MACF1: variants seen among roughly 807,000 people sequenced by gnomAD.
MACF1 encodes microtubule actin crosslinking factor 1.
Under a neutral mutation model 854.8 loss-of-function variants are expected in MACF1, and 193 were observed. The observed-to-expected ratio is 0.23, with a 90% CI of 0.20 to 0.25. The LOEUF (loss-of-function observed/expected upper bound fraction) is 0.25. Among genes scored for constraint, MACF1 ranks in the 10% least tolerant of loss-of-function variants. The pLI, the probability that MACF1 is intolerant of heterozygous loss-of-function variation, is 1.00. For missense variants in MACF1, 7,722 were observed against 8,929.1 expected (o/e 0.86, Z 5.45); for synonymous variants, 3,185 against 3,226.7 (o/e 0.99, Z 0.44).
Position 39,310,275 on chromosome 1 carries a change from C to G in MACF1, c.2947C>G (p.Gln983Glu). ...ATCCTCAGCACCAGGGGAGTGCCAT[C>G]AGATTATGAAGAACCTTCAGGCCCA... Reference protein sequence around the residue: ...LRSSAPGECHQIMKNLQAHYE... With the variant: ...LRSSAPGECHEIMKNLQAHYE... Residue 983 changes from glutamine (Q) to glutamate (E), a missense_variant, in exon 25 of 101, where the codon CAG (glutamine) becomes GAG (glutamate). Around this residue, in one of 15 missense-constraint regions of MACF1, gnomAD observed 1,137 missense variants for 1,263.0 expected, o/e 0.90. Coordinates refer to ENST00000564288, the MANE Select transcript of MACF1 (RefSeq NM_001394062.1). 1 of 1,613,938 alleles carries G rather than the reference C, an allele frequency of 6.2e-7. No individual in the cohort carries two copies. The highest frequency in any genetic ancestry group is 1.1e-5 in the South Asian group (1 of 91,052).
chr1:39,230,544 T>A (rs954273831), intron 1 of MACF1, among the ~76,000 whole-genome samples: 4 of 151,150 alleles, frequency 2.6e-5, no homozygotes, highest in Non-Finnish European at 2.9e-5. Context: ...TGTGGAGCAG[T>A]CATTGTCAAG....
chr1:39,397,389 C>T lies in MACF1; in HGVS notation c.15816+8731C>T, dbSNP rs554190858. Among the ~76,000 whole-genome samples the T allele has an allele frequency of 5.3e-5, 8 of 152,144 alleles. No homozygotes were observed. In the East Asian group the frequency reaches 1.2e-3, roughly 22 times the overall value. ...CCAGCCTGGTCAACATGGTGAAACC[C>T]GGTCTCTACTAAATATACAAAAATT... is the stretch of plus-strand genomic sequence containing the variant. On this transcript the variant is annotated intron_variant, in intron 58 of 100. Transcript: ENST00000564288.
At chr1:39,452,893 T>C in intron 87 of MACF1, 81 bp downstream of exon 87, 1 of 1,511,622 alleles carries the variant, frequency 6.6e-7, no homozygotes, top group Admixed American at 1.9e-5. Context: ...AGCAACTTTT[T>C]CTTGGAAATA....
chr1:39,313,323 G>C (rs942395777), intron 26 of MACF1, among the ~76,000 whole-genome samples: 4 of 152,076 alleles, frequency 2.6e-5, no homozygotes, highest in Non-Finnish European at 5.9e-5. Flanking sequence ...TATCCTATGG[G>C]GAGGTACTGG....
chr1:39,184,384 A>G (rs1331615306), intron 2 of MACF1, among the ~76,000 whole-genome samples: 3 of 152,102 alleles, frequency 2.0e-5, no homozygotes, highest in South Asian at 2.1e-4. Flanking sequence ...TTCCTCTGAC[A>G]TATTTAGAGA....
At chr1:39,290,126 G>T (rs1645745593) in intron 15 of MACF1, among the ~76,000 whole-genome samples, 1 of 152,142 alleles carries the variant, frequency 6.6e-6, no homozygotes, top group Admixed American at 6.5e-5. Flanking sequence ...CTAGACTAGT[G>T]TCTTGGAAAG....
At chr1:39,432,863 A>C (rs1453086798) in intron 67 of MACF1, among the ~76,000 whole-genome samples, 185 bp from the exon 68 acceptor site, 1 of 152,200 alleles carries the variant, frequency 6.6e-6, no homozygotes, top group African/African-American at 2.4e-5. Context: ...CATAATTAGC[A>C]ATTTCCTTGA....
chr1:39,334,134 C>G lies in MACF1; in HGVS notation c.7546C>G (p.Leu2516Val). The change falls in exon 37 of 101, where the codon CTT becomes GTT. Residue 2516 changes from leucine to valine, a missense_variant. Around this residue, in one of 15 missense-constraint regions of MACF1, gnomAD observed 1,531 missense variants for 1,601.6 expected, o/e 0.96. Transcript: ENST00000564288. ...CATTCACCATATATCTGGGATGAGA[C>G]TTTCTGTTGATAATGCCTTCAGACA... ...GIIHHISGMR[L>V]SVDNAFRHGL... is the part of the protein sequence containing the mutation. 1 of 1,614,100 alleles carries G rather than the reference C, an allele frequency of 6.2e-7. No homozygotes were observed. The highest frequency in any genetic ancestry group is 2.2e-5 in the East Asian group (1 of 44,888).
At chr1:39,349,951 G>A (rs1036128408) in intron 42 of MACF1, among the ~76,000 whole-genome samples, 6 of 152,110 alleles carry the variant, frequency 3.9e-5, no homozygotes, top group Admixed American at 6.6e-5. Context: ...TCATTCCTTC[G>A]ACAAATATTT....
At chr1:39,264,958 G>A (rs1271267886) in intron 6 of MACF1, among the ~76,000 whole-genome samples, 2 of 152,184 alleles carry the variant, frequency 1.3e-5, no homozygotes, top group South Asian at 2.1e-4. Context: ...ACAGGCGTGA[G>A]CCACCGCGCC....
intron 2 of MACF1, among the ~76,000 whole-genome samples, chr1:39,167,179 C>T (rs1224837699): frequency 2.0e-5 from 3 of 151,628 alleles, no homozygotes; most frequent in Admixed American, 1.3e-4. Context: ...CCAGGCTTGT[C>T]TTGAACTCCT....
intron 2 of MACF1, among the ~76,000 whole-genome samples, chr1:39,094,124 T>A (rs1641879060): frequency 6.6e-6 from 1 of 152,118 alleles, no homozygotes; most frequent in Admixed American, 6.6e-5. Flanking sequence ...CAGATTTTTT[T>A]TACCTGTGCT....
intron 42 of MACF1, among the ~76,000 whole-genome samples, chr1:39,350,236 G>A (rs947560209): frequency 1.3e-5 from 2 of 152,156 alleles, no homozygotes; most frequent in African/African-American, 4.8e-5. Flanking sequence ...GGTAGGAGGA[G>A]GAAGAGAACA....
At position 39,333,091 on chromosome 1, in the gene MACF1, T is replaced by G. The variant is rs992924382; in HGVS notation, c.6503T>G (p.Phe2168Cys). 1.3e-5 allele frequency: 21 copies of G among 1,613,914 alleles called. No homozygotes were observed. Among genetic ancestry groups the G allele is most frequent in the Non-Finnish European group, 1.8e-5 (21 of 1,180,024 alleles). The part of the protein sequence containing the change: ...KEHQPLRNTS[F>C]TCQNEQAHTL... ...CATCAACCTCTAAGAAACACTTCCTTTACATGTCAGAATGAACAAGCACAC... is the reference window on the plus strand; with the variant it reads ...CATCAACCTCTAAGAAACACTTCCTGTACATGTCAGAATGAACAAGCACAC... Residue 2168 changes from phenylalanine to cysteine, a missense_variant, in exon 37 of 101, where the codon TTT becomes TGT. By Grantham distance (205) the Phe-to-Cys change is radical. Coordinates refer to ENST00000564288, the MANE Select transcript of MACF1 (RefSeq NM_001394062.1).
At position 39,284,415 on chromosome 1, in the gene MACF1, A is replaced by C; in HGVS notation, c.1118A>C (p.Tyr373Ser). The C allele has an allele frequency of 6.3e-7, 1 of 1,595,810 alleles. No homozygotes were observed. Among genetic ancestry groups the C allele is most frequent in the Non-Finnish European group, 8.5e-7 (1 of 1,172,114 alleles). ...GAAAAAGGAAGAATTGAGGAATTAT[A>C]TAAATTACTAGAGGTAAGTGAGCTT... Reference protein sequence around the residue: ...EREKGRIEELYKLLEVWIEFG... With the variant: ...EREKGRIEELSKLLEVWIEFG... Residue 373 changes from tyrosine to serine, a missense_variant, in exon 11 of 101, where the codon TAT becomes TCT. Physicochemically the swap from Tyr to Ser is moderately radical, Grantham distance 144 (BLOSUM62 -2). Coordinates refer to ENST00000564288, the MANE Select transcript of MACF1 (RefSeq NM_001394062.1).
chr1:39,084,171 C>T lies in MACF1; in HGVS notation c.-48C>T, dbSNP rs1238935969. On this transcript the variant is annotated 5_prime_UTR_variant, in exon 2 of 94. Transcript: ENST00000361689. The surrounding 1 kb of genome is among the most constrained non-coding windows in gnomAD (Gnocchi z 5.2). ...ATTCACCCCTTTCTCCTTCAGATCACTTCTCCCTGGGCTCCCAGGCCCTCC... is the reference window on the plus strand; with the variant it reads ...ATTCACCCCTTTCTCCTTCAGATCATTTCTCCCTGGGCTCCCAGGCCCTCC... The T allele has an allele frequency of 7.0e-6, 11 of 1,561,062 alleles. No individual in the cohort carries two copies. The highest frequency in any genetic ancestry group is 7.9e-6 in the Non-Finnish European group (9 of 1,139,826).
intron 28 of MACF1, among the ~76,000 whole-genome samples, chr1:39,316,797 G>T (rs1385008494): frequency 1.3e-5 from 2 of 152,220 alleles, no homozygotes; most frequent in Non-Finnish European, 2.9e-5. Context: ...GATACAGTCA[G>T]TGGTTGTGCC....
rs1442902244 is a variant in MACF1, at chr1:39,283,604, A to G, written c.915+89A>G. ...AGACACTTTCTTAAGCACTTATGGT[A>G]TACTCATGGTATCAAACTATATATC... On this transcript the variant is annotated intron_variant, in intron 9 of 100. Transcript: ENST00000564288. The surrounding 1 kb of genome is among the most constrained non-coding windows in gnomAD (Gnocchi z 4.5). 2.3e-6 allele frequency: 2 copies of G among 881,660 alleles called. No individual in the cohort carries two copies. The highest frequency in any genetic ancestry group is 1.7e-5 in the African/African-American group (1 of 60,222). The allele number at this position is 881,660 out of a possible 1,614,324, so 54.6% of individuals were successfully genotyped here.
intron 2 of MACF1, among the ~76,000 whole-genome samples, chr1:39,172,052 G>T (rs1012869697): frequency 6.6e-6 from 1 of 152,194 alleles, no homozygotes; most frequent in African/African-American, 2.4e-5. Context: ...ACCTCCCTGA[G>T]TGTGCTCTGC....
Sources: gnomAD v4.1 joint callset for allele counts (sites outside exome capture counted in the v4.1 genomes callset) on GRCh38, gnomAD v4.1.1 for gene constraint, gnomAD v4.1.1 regional missense constraint, Gnocchi (gnomAD v3.1) non-coding constraint, MANE v1.5 for transcripts, NCBI Gene and HGNC (gene_info 2026-07-23, HGNC 2026-07-21) for gene names.